Variants in ZEB1 observed in about 807,000 individuals in gnomAD.
ZEB1 encodes the protein zinc finger E-box-binding homeobox 1.
Under a neutral mutation model 84.9 loss-of-function variants are expected in ZEB1, and 21 were observed. The observed-to-expected ratio is 0.25, with a 90% confidence interval of 0.18 to 0.36. ZEB1 has a LOEUF of 0.36. Ranked by LOEUF, ZEB1 falls within the 10% of genes least tolerant of loss-of-function variation. The pLI is 1.00. For missense variants in ZEB1, 1,104 were observed against 1,330.2 expected (o/e 0.83, Z 2.65); for synonymous variants, 420 against 471.1 (o/e 0.89, Z 1.41).
At chr10:31,360,663 A>G (rs574561643) in intron 1 of ZEB1, among the ~76,000 whole-genome samples, 1 of 152,384 alleles carries the variant, frequency 6.6e-6, no homozygotes, top group South Asian at 2.1e-4. Context: ...TTTAGATGCA[A>G]GAAATATATT....
chr10:31,496,968 TAATG>T (rs1414221996), intron 3 of ZEB1, among the ~76,000 whole-genome samples: 12 of 152,072 alleles, frequency 7.9e-5, no homozygotes, highest in Admixed American at 7.9e-4. Flanking sequence ...AATTAAATAA[TAATG>T]GAGTATGTGA....
chr10:31,447,877 G>A (rs1161623888), intron 1 of ZEB1, among the ~76,000 whole-genome samples: 2 of 152,248 alleles, frequency 1.3e-5, no homozygotes, highest in South Asian at 2.1e-4. Flanking sequence ...TGGTGAATCT[G>A]ACAATTATGT....
intron 1 of ZEB1, among the ~76,000 whole-genome samples, chr10:31,395,794 A>G (rs2050608387): frequency 6.6e-6 from 1 of 152,222 alleles, no homozygotes; most frequent in Non-Finnish European, 1.5e-5. Flanking sequence ...GAAGATAACT[A>G]ATAATTCTAG....
intron 1 of ZEB1, among the ~76,000 whole-genome samples, chr10:31,458,857 C>A (rs539971498): frequency 6.6e-6 from 1 of 152,038 alleles, no homozygotes; most frequent in South Asian, 2.1e-4. Flanking sequence ...GTGTAGCTAT[C>A]CAGAGGGAAA....
intron 1 of ZEB1, among the ~76,000 whole-genome samples, chr10:31,410,697 A>G (rs1457770345): frequency 2.0e-5 from 3 of 152,152 alleles, no homozygotes; most frequent in African/African-American, 4.8e-5. Context: ...TTATTGGTCT[A>G]TTCAGGGATT....
intron 2 of ZEB1, among the ~76,000 whole-genome samples, chr10:31,477,741 C>G (rs998672597): frequency 1.3e-5 from 2 of 151,804 alleles, no homozygotes; most frequent in African/African-American, 4.8e-5. Flanking sequence ...TCAGCAGATT[C>G]AACAAAAATA....
intron 1 of ZEB1, among the ~76,000 whole-genome samples, chr10:31,411,867 A>G (rs1398771845): frequency 6.6e-6 from 1 of 152,174 alleles, no homozygotes. Flanking sequence ...TTATTCTAAT[A>G]AACTGTGGAA....
chr10:31,517,775 G>C (rs767874384), intron 6 of ZEB1, among the ~76,000 whole-genome samples: 20 of 152,098 alleles, frequency 1.3e-4, no homozygotes, highest in Non-Finnish European at 2.8e-4. Context: ...ATGATAACTA[G>C]CACTTATTGG....
intron 1 of ZEB1, among the ~76,000 whole-genome samples, chr10:31,451,444 C>A (rs2060557706): frequency 6.6e-6 from 1 of 152,056 alleles, no homozygotes; most frequent in East Asian, 1.9e-4. Context: ...TAAGTACTTT[C>A]CGCATTTGTA....
chr10:31,449,400 A>G (rs1399840665), intron 1 of ZEB1, among the ~76,000 whole-genome samples: 1 of 152,176 alleles, frequency 6.6e-6, no homozygotes, highest in East Asian at 1.9e-4. Context: ...GGAGCTGTAG[A>G]CTGGAGCTGT....
Position 31,521,866 on chromosome 10 carries a change from C to T in ZEB1, c.2534C>T (p.Thr845Ile). 2 of 1,614,010 alleles carry T rather than the reference C, an allele frequency of 1.2e-6. No homozygotes were observed. Among genetic ancestry groups the T allele is most frequent in the Non-Finnish European group, 1.7e-6 (2 of 1,179,968 alleles). ...ATTCTGATTCCCCAGGTGGCATACA[C>T]CTACTCAACTACGGTCAGCCCTGCA... is the stretch of plus-strand genomic sequence containing the variant. ...QTILIPQVAY[T>I]YSTTVSPAVQ... Residue 845 changes from threonine to isoleucine, a missense_variant, in exon 7 of 9, where the codon ACC (threonine) becomes ATC (isoleucine). By Grantham distance (89) the Thr-to-Ile change is moderately conservative. Around this residue, in one of 7 missense-constraint regions of ZEB1, gnomAD observed 531 missense variants for 575.2 expected, o/e 0.92. Transcript: ENST00000424869.
At chr10:31,484,520 A>G (rs1427109651) in intron 2 of ZEB1, among the ~76,000 whole-genome samples, 2 of 151,972 alleles carry the variant, frequency 1.3e-5, no homozygotes, top group Non-Finnish European at 2.9e-5. Context: ...AGAGTCACTG[A>G]TAGTAATTAT....
chr10:31,453,102 A>AAATGAG (rs2060801619), intron 1 of ZEB1, among the ~76,000 whole-genome samples: 1 of 152,180 alleles, frequency 6.6e-6, no homozygotes, highest in Non-Finnish European at 1.5e-5. Flanking sequence ...CTTTTCTAAC[A>AAATGAG]TGCAAATGAG....
chr10:31,440,749 T>C (rs1212851066), intron 1 of ZEB1, among the ~76,000 whole-genome samples: 2 of 152,172 alleles, frequency 1.3e-5, no homozygotes, highest in African/African-American at 2.4e-5. Context: ...ACAAGCATTC[T>C]TATACACCAA....
intron 2 of ZEB1, among the ~76,000 whole-genome samples, chr10:31,491,259 CAG>C (rs2066486183): frequency 6.6e-6 from 1 of 151,720 alleles, no homozygotes; most frequent in Non-Finnish European, 1.5e-5. Context: ...TGAAAGAAGA[CAG>C]GGAGAGAAAG....
At chr10:31,345,916 C>T (rs2040226203) in intron 1 of ZEB1, among the ~76,000 whole-genome samples, 1 of 152,100 alleles carries the variant, frequency 6.6e-6, no homozygotes, top group African/African-American at 2.4e-5. Flanking sequence ...TTAAAAGTCT[C>T]AGAGAAAATG....
At chr10:31,490,172 G>T (rs775475904) in intron 2 of ZEB1, among the ~76,000 whole-genome samples, 7 of 151,380 alleles carry the variant, frequency 4.6e-5, no homozygotes, top group Non-Finnish European at 7.4e-5. Flanking sequence ...TTCGAGCCTA[G>T]ATTTGGGGGG....
chr10:31,348,748 CA>C (rs781324912), intron 1 of ZEB1, among the ~76,000 whole-genome samples: 7 of 148,502 alleles, frequency 4.7e-5, no homozygotes, highest in Non-Finnish European at 7.5e-5. Context: ...TGACTCAAGC[CA>C]AAAAAAAAGT....
At chr10:31,426,378 C>G (rs1194572101) in intron 1 of ZEB1, among the ~76,000 whole-genome samples, 2 of 152,078 alleles carry the variant, frequency 1.3e-5, no homozygotes, top group East Asian at 3.9e-4. Flanking sequence ...GAAAAGAGGA[C>G]AGTTTAGAGA....
Sources: gnomAD v4.1 joint callset for allele counts (sites outside exome capture counted in the v4.1 genomes callset) on GRCh38, gnomAD v4.1.1 for gene constraint, gnomAD v4.1.1 regional missense constraint, MANE v1.5 for transcripts, NCBI Gene and HGNC (gene_info 2026-07-23, HGNC 2026-07-21) for gene names.